Variants in FILIP1L observed in about 807,000 individuals in gnomAD.
FILIP1L encodes filamin A-interacting protein 1-like.
In FILIP1L, 55 loss-of-function variants were observed where a neutral mutation model predicts 96.6. The ratio of observed to expected loss-of-function variants is 0.57; its 90% CI spans 0.46 to 0.71. The LOEUF (loss-of-function observed/expected upper bound fraction) is 0.71. Ranked by LOEUF, FILIP1L falls within the 30% of genes least tolerant of loss-of-function variation. FILIP1L has a pLI of 0.00. For missense variants in FILIP1L, 1,304 were observed against 1,321.2 expected (o/e 0.99, Z 0.20); for synonymous variants, 467 against 473.9 (o/e 0.99, Z 0.19).
At chr3:99,925,523 T>G (rs1707263522) in intron 3 of FILIP1L, among the ~76,000 whole-genome samples, 1 of 152,196 alleles carries the variant, frequency 6.6e-6, no homozygotes, top group Non-Finnish European at 1.5e-5. Context: ...TTGTTTTGTT[T>G]GGTCACACAT....
At chr3:99,971,779 C>G (rs1708829957) in intron 1 of FILIP1L, among the ~76,000 whole-genome samples, 2 of 152,184 alleles carry the variant, frequency 1.3e-5, no homozygotes, top group South Asian at 4.1e-4. Context: ...CCTGCAACAC[C>G]ATTCCCATAA....
rs78824942 is a variant in FILIP1L at position 100,027,941 on chromosome 3, C to A, written c.-11+86112G>T. Among the ~76,000 whole-genome samples the A allele has an allele frequency of 6.2e-4, 94 of 152,228 alleles. No homozygotes were observed. The East Asian group carries it at 0.017, about 28-fold the overall frequency. The stretch of plus-strand genomic sequence containing the variant: ...GGAGAGTAGACAGGGCCAAATCTTG[C>A]AGACCATGGTAAGGAGTTTGAATGC... On this transcript the variant is annotated intron_variant, in intron 1 of 5. Coordinates refer to ENST00000477258, the MANE Select transcript of FILIP1L (RefSeq NM_001387850.1).
intron 1 of FILIP1L, among the ~76,000 whole-genome samples, chr3:100,093,686 G>A (rs2066153119): frequency 6.6e-6 from 1 of 152,022 alleles, no homozygotes; most frequent in South Asian, 2.1e-4. Context: ...ACCTTTTATA[G>A]CCACAACCAT....
intron 4 of FILIP1L, among the ~76,000 whole-genome samples, chr3:99,857,924 A>G (rs559650955): frequency 1.3e-5 from 2 of 152,340 alleles, no homozygotes; most frequent in East Asian, 3.9e-4. Flanking sequence ...AATCATTAGT[A>G]CTAAGGCTAT....
chr3:100,044,446 G>A (rs1173276162), intron 1 of FILIP1L, among the ~76,000 whole-genome samples: 1 of 152,172 alleles, frequency 6.6e-6, no homozygotes, highest in Non-Finnish European at 1.5e-5. Context: ...GAATGAGTAG[G>A]AGTTAGCCAA....
intron 1 of FILIP1L, among the ~76,000 whole-genome samples, chr3:100,060,144 G>A (rs1359400108): frequency 6.6e-6 from 1 of 152,098 alleles, no homozygotes; most frequent in Non-Finnish European, 1.5e-5. Flanking sequence ...GTGTCACATG[G>A]TGGGTGGGCT....
At chr3:100,097,432 G>A (rs776073836) in intron 1 of FILIP1L, among the ~76,000 whole-genome samples, 8 of 152,166 alleles carry the variant, frequency 5.3e-5, no homozygotes. Flanking sequence ...TCAGATTTTG[G>A]TATCTGAAGG....
At chr3:100,013,433 C>T (rs945723565) in intron 1 of FILIP1L, among the ~76,000 whole-genome samples, 3 of 149,792 alleles carry the variant, frequency 2.0e-5, no homozygotes, top group Non-Finnish European at 4.5e-5. Context: ...TAGTAGAGAC[C>T]GGGTTTCCCC....
chr3:100,014,895 C>CTTTTTTTTTTTTTTTTTTTTTTTTCT (rs1233573719), intron 1 of FILIP1L, among the ~76,000 whole-genome samples: 1 of 25,004 alleles, frequency 4.0e-5, no homozygotes, highest in Non-Finnish European at 7.0e-5. Flanking sequence ...TTCTTTCTTT[C>CTTTTTTTTTTTTTTTTTTTTTTTTCT]TTTTTTTTTT....
chr3:99,897,437 A>G (rs1706294360), intron 4 of FILIP1L, among the ~76,000 whole-genome samples: 2 of 152,340 alleles, frequency 1.3e-5, no homozygotes, highest in South Asian at 4.1e-4. Flanking sequence ...AACAAAGCTA[A>G]GAAAAACAAG....
At chr3:99,970,957 C>T (rs1708796007) in intron 1 of FILIP1L, among the ~76,000 whole-genome samples, 2 of 152,296 alleles carry the variant, frequency 1.3e-5, no homozygotes, top group Middle Eastern at 3.4e-3. Flanking sequence ...TAGGGCTTGG[C>T]AGTGCTCCTA....
chr3:100,006,160 T>C (rs1709979331), intron 1 of FILIP1L, among the ~76,000 whole-genome samples: 1 of 152,162 alleles, frequency 6.6e-6, no homozygotes, highest in Non-Finnish European at 1.5e-5. Context: ...GGTATACTGG[T>C]GGTTTCTGGG....
chr3:99,914,658 A>G (rs568648659), intron 4 of FILIP1L, among the ~76,000 whole-genome samples: 2 of 152,346 alleles, frequency 1.3e-5, no homozygotes, highest in African/African-American at 2.4e-5. Flanking sequence ...CAGTTTAGCT[A>G]TAGGTTTTAT....
intron 1 of FILIP1L, among the ~76,000 whole-genome samples, chr3:99,988,329 C>G (rs1334015148): frequency 8.0e-6 from 1 of 125,760 alleles, no homozygotes; most frequent in Non-Finnish European, 1.6e-5. Context: ...AACCCCACCT[C>G]TACTAAAAAT....
intron 1 of FILIP1L, among the ~76,000 whole-genome samples, chr3:99,998,807 G>T (rs1253834330): frequency 6.6e-6 from 1 of 152,174 alleles, no homozygotes; most frequent in East Asian, 1.9e-4. Flanking sequence ...CTGACCTCGT[G>T]ATCCGCCCGC....
At chr3:100,064,457 C>T (rs1252347037) in intron 1 of FILIP1L, among the ~76,000 whole-genome samples, 2 of 151,938 alleles carry the variant, frequency 1.3e-5, no homozygotes, top group African/African-American at 4.8e-5. Context: ...TCGTGTTTGC[C>T]AGCCCCTTAC....
chr3:99,921,077 T>C (rs1179395634), intron 4 of FILIP1L, among the ~76,000 whole-genome samples: 1 of 152,182 alleles, frequency 6.6e-6, no homozygotes, highest in Admixed American at 6.5e-5. Flanking sequence ...TACAACACTT[T>C]GTTTGAGGAA....
intron 4 of FILIP1L, among the ~76,000 whole-genome samples, chr3:99,920,570 A>G (rs965708985): frequency 2.6e-5 from 4 of 152,238 alleles, no homozygotes; most frequent in African/African-American, 9.6e-5. Flanking sequence ...ATAGAATATT[A>G]CCATATGGAC....
rs766737515 is a variant in FILIP1L, at chr3:99,930,902, G to C, written c.119C>G (p.Ser40Cys). 3.7e-6 allele frequency: 6 copies of C among 1,613,378 alleles called. No homozygotes were observed. The highest frequency in any genetic ancestry group is 5.1e-6 in the Non-Finnish European group (6 of 1,179,908). The stretch of plus-strand genomic sequence containing the variant: ...AAGTATTACATCCGACTCACTGGGG[G>C]AGTCTTTGTCTTGCTGTCTATGCTT... ...NMKHRQQDKD[S>C]PSESDVILPC... The change falls in exon 2 of 6, where the codon TCC becomes TGC. Residue 40 changes from serine (S) to cysteine (C), a missense_variant. Physicochemically the swap from Ser to Cys is moderately radical, Grantham distance 112. Transcript: ENST00000477258.
Sources: gnomAD v4.1 joint callset for allele counts (sites outside exome capture counted in the v4.1 genomes callset) on GRCh38, gnomAD v4.1.1 for gene constraint, MANE v1.5 for transcripts, NCBI Gene and HGNC (gene_info 2026-07-23, HGNC 2026-07-21) for gene names.